SLC44A5: variants seen among roughly 807,000 people sequenced by gnomAD.
SLC44A5 encodes the protein choline transporter-like protein 5.
A neutral mutation model predicts 101.8 loss-of-function variants in SLC44A5; 57 were observed. That is an observed-to-expected ratio of 0.56 (90% CI 0.45 to 0.70). The LOEUF (loss-of-function observed/expected upper bound fraction) is 0.70. Ranked by LOEUF, SLC44A5 falls within the 30% of genes least tolerant of loss-of-function variation. The probability of loss-of-function intolerance (pLI) is 0.00; values close to 1 mark genes in which losing one functional copy is unlikely to be tolerated. For synonymous variants in SLC44A5, 281 were observed against 290.9 expected (o/e 0.97, Z 0.35); for missense variants, 737 against 853.1 (o/e 0.86, Z 1.70).
intron 2 of SLC44A5, among the ~76,000 whole-genome samples, chr1:75,434,429 C>T (rs976706296): frequency 1.3e-5 from 2 of 152,126 alleles, no homozygotes; most frequent in African/African-American, 2.4e-5. Context: ...TATTAATAGA[C>T]TAAGTTCTCT....
intron 2 of SLC44A5, among the ~76,000 whole-genome samples, chr1:75,405,242 C>T (rs997498341): frequency 1.3e-5 from 2 of 152,130 alleles, no homozygotes; most frequent in South Asian, 2.1e-4. Context: ...CTTAGACCCC[C>T]ACACAATAAT....
chr1:75,372,892 T>G (rs1170409107), intron 3 of SLC44A5, among the ~76,000 whole-genome samples: 2 of 152,140 alleles, frequency 1.3e-5, no homozygotes, highest in African/African-American at 2.4e-5. Flanking sequence ...TGACATTCAG[T>G]CCAATGAAGT....
At chr1:75,681,739 T>G in the SLC44A5 span, among the ~76,000 whole-genome samples, 1 of 149,578 alleles carries the variant, frequency 6.7e-6, no homozygotes, top group Non-Finnish European at 1.5e-5. Context: ...TTCAACATAG[T>G]GTTGGAAGTT....
intron 3 of SLC44A5, among the ~76,000 whole-genome samples, chr1:75,358,688 A>G (rs1228650609): frequency 1.3e-5 from 2 of 152,152 alleles, no homozygotes; most frequent in Admixed American, 1.3e-4. Context: ...ATTTTTTGTA[A>G]TTGAATAATT....
chr1:75,634,738 A>C, the SLC44A5 span, among the ~76,000 whole-genome samples: 1 of 151,742 alleles, frequency 6.6e-6, no homozygotes, highest in African/African-American at 2.4e-5. Context: ...ATTACCATTC[A>C]GGACATAGGC....
At chr1:75,579,868 C>A (rs1673584295) in intron 1 of SLC44A5, among the ~76,000 whole-genome samples, 1 of 124,866 alleles carries the variant, frequency 8.0e-6, no homozygotes, top group African/African-American at 2.8e-5. Context: ...TCTGAACCTG[C>A]CAACCAGGAG....
At chr1:75,515,466 C>G (rs1669780568) in intron 2 of SLC44A5, among the ~76,000 whole-genome samples, 1 of 152,136 alleles carries the variant, frequency 6.6e-6, no homozygotes, top group African/African-American at 2.4e-5. Flanking sequence ...AACCACCATT[C>G]TACCTTCCGC....
At chr1:75,313,626 T>C (rs1336580578) in intron 4 of SLC44A5, among the ~76,000 whole-genome samples, 1 of 152,188 alleles carries the variant, frequency 6.6e-6, no homozygotes, top group Non-Finnish European at 1.5e-5. Context: ...AACTGTGTTG[T>C]TTCTAGGTCT....
intron 6 of SLC44A5, among the ~76,000 whole-genome samples, chr1:75,254,060 C>T (rs637660): frequency 0.73 from 110,928 of 151,452 alleles, 40,802 homozygotes; most frequent in East Asian, 0.93. Flanking sequence ...TTTTTTTAGA[C>T]GGTTTCTCAC....
chr1:75,682,111 A>T, the SLC44A5 span, among the ~76,000 whole-genome samples: 1 of 152,222 alleles, frequency 6.6e-6, no homozygotes, highest in Non-Finnish European at 1.5e-5. Context: ...AAGAGGATAC[A>T]AATAAATGGA....
chr1:75,649,219 A>G, the SLC44A5 span, among the ~76,000 whole-genome samples: 1 of 152,192 alleles, frequency 6.6e-6, no homozygotes, highest in Admixed American at 6.5e-5. Context: ...GGCAGTTCAA[A>G]TGAGAAATCT....
In SLC44A5 at chr1:75,473,971, C is replaced by T. The variant is rs1051751237; in HGVS notation, c.13+67464G>A. 2.6e-5 allele frequency among the ~76,000 whole-genome samples: 4 copies of T among 152,092 alleles called. No homozygotes were observed. The East Asian group carries it at 7.7e-4, about 29-fold the overall frequency. The stretch of plus-strand genomic sequence containing the variant: ...GAGATATTTTAGTCCTGATTCAATA[C>T]CTGCACATACATGACATATAGACAT... On this transcript the variant is annotated intron_variant, in intron 2 of 23. Transcript: ENST00000370859.
intron 2 of SLC44A5, among the ~76,000 whole-genome samples, chr1:75,527,298 A>AAG (rs139203105): frequency 0.035 from 4,826 of 137,206 alleles, 274 homozygotes; most frequent in African/African-American, 0.13. Flanking sequence ...GAAAGAGAGA[A>AAG]AGAGAGACAG....
At chr1:75,546,744 C>G (rs1413654485) in intron 1 of SLC44A5, among the ~76,000 whole-genome samples, 1 of 151,958 alleles carries the variant, frequency 6.6e-6, no homozygotes, top group African/African-American at 2.4e-5. Context: ...TTAATCAGTC[C>G]TCGAAAATGT....
At chr1:75,465,646 G>C (rs1056781692) in intron 2 of SLC44A5, among the ~76,000 whole-genome samples, 3 of 151,466 alleles carry the variant, frequency 2.0e-5, no homozygotes, top group African/African-American at 7.3e-5. Flanking sequence ...TCCAGACTAA[G>C]AAAAAAAGAG....
chr1:75,691,830 A>G, the SLC44A5 span, among the ~76,000 whole-genome samples: 1 of 152,200 alleles, frequency 6.6e-6, no homozygotes, highest in African/African-American at 2.4e-5. Context: ...CTCTCTTTAT[A>G]AAGATACTAA....
intron 2 of SLC44A5, chr1:75,402,459 G>C (rs558918832): frequency 5.0e-6 from 2 of 397,660 alleles, no homozygotes; most frequent in South Asian, 3.6e-5. Flanking sequence ...CAGAAGGCAG[G>C]TGATTTCTGC....
chr1:75,306,507 C>T (rs11163069), intron 4 of SLC44A5, among the ~76,000 whole-genome samples: 2,852 of 151,982 alleles, frequency 0.019, 80 homozygotes, highest in African/African-American at 0.054. Flanking sequence ...CTTAAACATG[C>T]TATCTGGACA....
the SLC44A5 span, among the ~76,000 whole-genome samples, chr1:75,654,880 G>A: frequency 6.6e-6 from 1 of 152,122 alleles, no homozygotes; most frequent in Non-Finnish European, 1.5e-5. Flanking sequence ...GAAAGTACTG[G>A]ACTGCTAAAA....
Sources: allele counts gnomAD v4.1 joint callset (sites outside exome capture counted in the v4.1 genomes callset), GRCh38; gene constraint gnomAD v4.1.1; transcripts MANE v1.5; gene names NCBI Gene and HGNC (gene_info 2026-07-23, HGNC 2026-07-21).